The following PPP1R9A variants were observed in gnomAD, a reference collection of about 807,000 sequenced individuals.
PPP1R9A encodes the protein neurabin-1.
PPP1R9A carries 59 observed loss-of-function variants against 141.9 expected under a neutral mutation model. The ratio of observed to expected loss-of-function variants is 0.42; its 90% confidence interval spans 0.34 to 0.52. The LOEUF is 0.52. PPP1R9A is among the 20% of genes least tolerant of loss of function. PPP1R9A has a pLI of 0.10. For synonymous variants in PPP1R9A, 500 were observed against 569.7 expected (o/e 0.88, Z 1.74); for missense variants, 1,444 against 1,611.9 (o/e 0.90, Z 1.78).
At chr7:95,276,750 T>G (rs1453419501) in intron 16 of PPP1R9A, among the ~76,000 whole-genome samples, 1 of 152,020 alleles carries the variant, frequency 6.6e-6, no homozygotes, top group Non-Finnish European at 1.5e-5. Context: ...AAGGAATTCA[T>G]ATAATTGGAA....
At chr7:95,053,220 C>T (rs765946109) in intron 2 of PPP1R9A, among the ~76,000 whole-genome samples, 1 of 152,054 alleles carries the variant, frequency 6.6e-6, no homozygotes, top group African/African-American at 2.4e-5. Flanking sequence ...AAAAGAAAAG[C>T]AAATAAAGTG....
At chr7:95,005,936 C>T (rs1803525851) in intron 2 of PPP1R9A, among the ~76,000 whole-genome samples, 2 of 152,014 alleles carry the variant, frequency 1.3e-5, no homozygotes, top group South Asian at 4.1e-4. Context: ...TGAGAAGAAT[C>T]ATAGAATTTT....
chr7:95,072,833 AATAATTATTATAT>A (rs1246991298), intron 2 of PPP1R9A, among the ~76,000 whole-genome samples: 3 of 56,106 alleles, frequency 5.3e-5, no homozygotes, highest in East Asian at 9.7e-4. Context: ...TTATATATAT[AATAATTATTATAT>A]ATAATATAAG....
intron 2 of PPP1R9A, among the ~76,000 whole-genome samples, chr7:95,007,684 T>C (rs879716066): frequency 1.3e-5 from 2 of 152,196 alleles, no homozygotes; most frequent in Non-Finnish European, 2.9e-5. Flanking sequence ...GTATAATCCA[T>C]GTATAGTATA....
chr7:95,218,718 T>G (rs1293958846), intron 7 of PPP1R9A, among the ~76,000 whole-genome samples: 3 of 152,230 alleles, frequency 2.0e-5, no homozygotes, highest in African/African-American at 7.2e-5. Flanking sequence ...TTTACCATTA[T>G]GTAATGGCCT....
intron 12 of PPP1R9A, among the ~76,000 whole-genome samples, chr7:95,262,806 G>C (rs569548727): frequency 3.8e-4 from 58 of 152,262 alleles, no homozygotes; most frequent in African/African-American, 1.3e-3. Flanking sequence ...TCAATGATTA[G>C]CAAATTAAAT....
At chr7:95,257,585 A>G (rs1246984186) in intron 12 of PPP1R9A, among the ~76,000 whole-genome samples, 1 of 151,872 alleles carries the variant, frequency 6.6e-6, no homozygotes, top group Non-Finnish European at 1.5e-5. Flanking sequence ...TTACATATGT[A>G]TACATGTGCC....
chr7:95,235,804 C>T (rs903185004), intron 8 of PPP1R9A, among the ~76,000 whole-genome samples: 2 of 152,178 alleles, frequency 1.3e-5, no homozygotes, highest in Non-Finnish European at 2.9e-5. Flanking sequence ...CCATGGAATA[C>T]TACTCAGCCA....
intron 3 of PPP1R9A, among the ~76,000 whole-genome samples, chr7:95,115,627 G>A (rs2152461563): frequency 6.6e-6 from 1 of 152,110 alleles, no homozygotes; most frequent in Non-Finnish European, 1.5e-5. Flanking sequence ...AGAAATAGTT[G>A]AAGAGAAAAG....
intron 2 of PPP1R9A, among the ~76,000 whole-genome samples, chr7:94,997,336 T>C (rs900160987): frequency 3.3e-4 from 50 of 152,284 alleles, no homozygotes; most frequent in African/African-American, 1.2e-3. Flanking sequence ...AAATTTTTTA[T>C]TGGATGTTGG....
chr7:94,917,311 G>A (rs1056852549), intron 2 of PPP1R9A, among the ~76,000 whole-genome samples: 4 of 152,124 alleles, frequency 2.6e-5, no homozygotes, highest in African/African-American at 9.7e-5. Context: ...TGATCATTTA[G>A]TGTTTAAAAA....
intron 9 of PPP1R9A, among the ~76,000 whole-genome samples, chr7:95,248,851 A>G (rs1798496483): frequency 6.6e-6 from 1 of 152,130 alleles, no homozygotes; most frequent in Admixed American, 6.6e-5. Flanking sequence ...AACTTTGTAA[A>G]CTGTTTTGCA....
At chr7:95,019,078 T>C (rs1805513678) in intron 2 of PPP1R9A, among the ~76,000 whole-genome samples, 1 of 152,212 alleles carries the variant, frequency 6.6e-6, no homozygotes, top group African/African-American at 2.4e-5. Context: ...TAGACCAACA[T>C]GTAAAACTTA....
At chr7:95,107,947 CT>C (rs1819793642) in intron 2 of PPP1R9A, among the ~76,000 whole-genome samples, 1 of 152,064 alleles carries the variant, frequency 6.6e-6, no homozygotes, top group African/African-American at 2.4e-5. Flanking sequence ...GTACTCATCA[CT>C]TAGTTTTATA....
At chr7:95,070,010 T>C (rs1330738868) in intron 2 of PPP1R9A, among the ~76,000 whole-genome samples, 2 of 152,190 alleles carry the variant, frequency 1.3e-5, no homozygotes, top group Non-Finnish European at 2.9e-5. Flanking sequence ...CTATTTCTTA[T>C]TGTCTTCAAG....
chr7:95,068,424 C>T (rs1300155475), intron 2 of PPP1R9A, among the ~76,000 whole-genome samples: 9 of 135,766 alleles, frequency 6.6e-5, no homozygotes, highest in African/African-American at 1.9e-4. Context: ...GAGCCGAGAT[C>T]GCACCATTAC....
At chr7:95,032,309 CAT>C (rs1325975666) in intron 2 of PPP1R9A, among the ~76,000 whole-genome samples, 1 of 151,870 alleles carries the variant, frequency 6.6e-6, no homozygotes, top group Non-Finnish European at 1.5e-5. Flanking sequence ...TTTATGAAAA[CAT>C]GTCACAGAGA....
chr7:95,274,144 C>T lies in PPP1R9A; in HGVS notation c.3272C>T (p.Ala1091Val). 1 of 1,579,778 alleles carries T rather than the reference C, an allele frequency of 6.3e-7. No individual in the cohort carries two copies. Among genetic ancestry groups the T allele is most frequent in the Non-Finnish European group, 8.6e-7 (1 of 1,168,432 alleles). The stretch of plus-strand genomic sequence containing the variant: ...AAGTGGAAAGAAAAAGAAAAAGAAG[C>T]CAGTAGGTTTTCTGCAGGTAGCAGG... ...GKKWKEKEKE[A>V]SRFSAGSRIF... is the part of the protein sequence containing the mutation. The change falls in exon 16 of 20, where the codon GCC becomes GTC. Residue 1091 changes from alanine to valine, a missense_variant. Around this residue, in one of 5 missense-constraint regions of PPP1R9A, gnomAD observed 459 missense variants for 513.8 expected, o/e 0.89. Transcript: ENST00000433360.
intron 16 of PPP1R9A, among the ~76,000 whole-genome samples, chr7:95,280,576 T>G (rs1370970298): frequency 1.3e-5 from 2 of 152,170 alleles, no homozygotes; most frequent in East Asian, 1.9e-4. Context: ...AATGGTATCT[T>G]TGGATTATGA....
Sources: allele counts gnomAD v4.1 joint callset (sites outside exome capture counted in the v4.1 genomes callset), GRCh38; gene constraint gnomAD v4.1.1; regional missense constraint gnomAD v4.1.1; transcripts MANE v1.5; gene names NCBI Gene and HGNC (gene_info 2026-07-23, HGNC 2026-07-21).